The following DPP6 variants were observed in gnomAD, a reference collection of about 807,000 sequenced individuals.
DPP6 encodes the protein dipeptidyl peptidase like 6.
DPP6 carries 69 observed loss-of-function variants against 122.6 expected under a neutral mutation model. The ratio of observed to expected loss-of-function variants is 0.56; its 90% CI spans 0.46 to 0.69. DPP6 has a LOEUF of 0.69. DPP6 is among the 30% of genes least tolerant of loss of function. The pLI, the probability that DPP6 is intolerant of heterozygous loss-of-function variation, is 0.00. For synonymous variants in DPP6, 418 were observed against 433.1 expected, an observed-to-expected ratio of 0.97 and a Z score of 0.43; for missense variants, 928 against 1,116.9, an observed-to-expected ratio of 0.83 and a Z score of 2.41.
intron 19 of DPP6, among the ~76,000 whole-genome samples, chr7:154,874,019 C>T (rs1405792025): frequency 6.6e-6 from 1 of 151,880 alleles, no homozygotes; most frequent in African/African-American, 2.4e-5. Flanking sequence ...CACATGCACA[C>T]ACATACGTGT....
At chr7:154,824,249 T>TTTG (rs201570575) in intron 16 of DPP6, among the ~76,000 whole-genome samples, 5 of 54,282 alleles carry the variant, frequency 9.2e-5, no homozygotes, top group Non-Finnish European at 2.4e-4. Flanking sequence ...AAGGAATGTT[T>TTTG]TTGTTGTTGT....
chr7:153,784,137 CTTG>C, the DPP6 span, among the ~76,000 whole-genome samples: 1 of 152,164 alleles, frequency 6.6e-6, no homozygotes, highest in African/African-American at 2.4e-5. Flanking sequence ...TTTTCCATTT[CTTG>C]TTGTACATCT....
intron 1 of DPP6, among the ~76,000 whole-genome samples, chr7:153,965,375 T>A (rs971681597): frequency 6.6e-6 from 1 of 152,100 alleles, no homozygotes; most frequent in African/African-American, 2.4e-5. Flanking sequence ...CGGTTCCTCC[T>A]TAGGCAGCGC....
intron 5 of DPP6, among the ~76,000 whole-genome samples, chr7:154,612,767 A>G (rs1395615012): frequency 6.6e-6 from 1 of 152,198 alleles, no homozygotes; most frequent in African/African-American, 2.4e-5. Flanking sequence ...CACCAGCAAT[A>G]TGTGACTCAG....
intron 6 of DPP6, among the ~76,000 whole-genome samples, chr7:154,655,172 A>C (rs1416235840): frequency 6.6e-6 from 1 of 152,174 alleles, no homozygotes; most frequent in African/African-American, 2.4e-5. Flanking sequence ...TTGGTGATAA[A>C]ACGTTAGGAT....
intron 1 of DPP6, among the ~76,000 whole-genome samples, chr7:153,963,784 C>T (rs1052003342): frequency 6.6e-6 from 1 of 152,144 alleles, no homozygotes; most frequent in African/African-American, 2.4e-5. Flanking sequence ...ATCCCCACCC[C>T]GTGTCCCATC....
chr7:154,565,920 G>A (rs1263176504), intron 4 of DPP6, among the ~76,000 whole-genome samples: 2 of 152,214 alleles, frequency 1.3e-5, no homozygotes, highest in Non-Finnish European at 2.9e-5. Flanking sequence ...AGCAATGTGG[G>A]CTCTGGGGGT....
chr7:153,898,563 T>G (rs1799508174), intron 1 of DPP6, among the ~76,000 whole-genome samples: 1 of 152,196 alleles, frequency 6.6e-6, no homozygotes, highest in Non-Finnish European at 1.5e-5. Flanking sequence ...AAATATCACA[T>G]GTACCTCATA....
At chr7:153,771,331 A>G in the DPP6 span, among the ~76,000 whole-genome samples, 1 of 152,272 alleles carries the variant, frequency 6.6e-6, no homozygotes, top group East Asian at 1.9e-4. Context: ...CAATGAAGTG[A>G]AATGAAATTA....
At chr7:153,888,080 G>A (rs1471420628) in intron 1 of DPP6, among the ~76,000 whole-genome samples, 4 of 152,148 alleles carry the variant, frequency 2.6e-5, no homozygotes, top group Non-Finnish European at 5.9e-5. Context: ...GGCTCTTCTG[G>A]GGAAACGCGG....
intron 1 of DPP6, among the ~76,000 whole-genome samples, chr7:154,314,250 G>A (rs984698063): frequency 3.3e-5 from 5 of 152,100 alleles, no homozygotes; most frequent in Admixed American, 1.3e-4. Flanking sequence ...TTCCTGTCAC[G>A]CTGTTGCTGT....
At position 154,481,344 on chromosome 7, in the gene DPP6, G is replaced by GTGT. The variant is rs1554564216; in HGVS notation, c.457+6307_457+6308insTGT. On this transcript the variant is annotated intron_variant, in intron 3 of 25. Coordinates refer to ENST00000377770, the MANE Select transcript of DPP6 (RefSeq NM_130797.4). This position sits in a 1 kb window ranked among gnomAD's most constrained non-coding sequence, Gnocchi z 4.2. Reference sequence around the variant, plus strand: ...CTATACACTTGGAGAGAGAGAGAGAGGGGTGTGTGTGTGTGTGTGTGTGTG... The same window carrying GTGT: ...CTATACACTTGGAGAGAGAGAGAGAGTGTGGGTGTGTGTGTGTGTGTGTGTGTG... Among the ~76,000 whole-genome samples, 43 of 30,872 alleles carry GTGT rather than the reference G, an allele frequency of 1.4e-3. No homozygotes were observed. Among genetic ancestry groups the GTGT allele is most frequent in the African/African-American group, 2.5e-3 (39 of 15,568 alleles). The allele number at this position is 30,872 out of a possible 152,430, so 20.3% of individuals were successfully genotyped here. A position where few individuals can be genotyped will look rare whatever the true frequency, so the allele number is the denominator to read the frequency against.
At chr7:154,794,495 G>A (rs1797895070) in intron 11 of DPP6, among the ~76,000 whole-genome samples, 2 of 152,182 alleles carry the variant, frequency 1.3e-5, no homozygotes, top group Admixed American at 6.5e-5. Flanking sequence ...CCCTTTATCC[G>A]CGCTCACCGC....
intron 1 of DPP6, among the ~76,000 whole-genome samples, chr7:154,119,985 C>T (rs1223543542): frequency 6.6e-6 from 1 of 151,670 alleles, no homozygotes; most frequent in Non-Finnish European, 1.5e-5. Flanking sequence ...GGCCACCATG[C>T]GATGCTGTAC....
rs1211868588 is a variant in DPP6 at position 154,769,702 on chromosome 7, C to G, written c.1038+131C>G. 3.2e-6 allele frequency: 4 copies of G among 1,246,668 alleles called. No homozygotes were observed. The African/African-American group carries it at 6.1e-5, about 19-fold the overall frequency. The allele number at this position is 1,246,668 out of a possible 1,614,324, so 77.2% of individuals were successfully genotyped here. On this transcript the variant is annotated intron_variant, in intron 9 of 25. Transcript: ENST00000377770. ...AGCAGTTAACACAAGAAAGACTAATCATGTCTCATTACATTGCATTACATT... is the reference window on the plus strand; with the variant it reads ...AGCAGTTAACACAAGAAAGACTAATGATGTCTCATTACATTGCATTACATT...
chr7:154,519,207 A>T (rs1004340576), intron 3 of DPP6, among the ~76,000 whole-genome samples: 3 of 152,180 alleles, frequency 2.0e-5, no homozygotes, highest in African/African-American at 7.2e-5. Flanking sequence ...TCAGAGCCAG[A>T]GTCATAAGAC....
intron 1 of DPP6, among the ~76,000 whole-genome samples, chr7:154,285,096 C>T (rs1804765922): frequency 6.6e-6 from 1 of 152,174 alleles, no homozygotes; most frequent in Admixed American, 6.5e-5. Flanking sequence ...GCAATGGTTG[C>T]ACAATATTGT....
At chr7:154,770,265 A>G (rs946880164) in intron 9 of DPP6, among the ~76,000 whole-genome samples, 7 of 152,214 alleles carry the variant, frequency 4.6e-5, no homozygotes, top group African/African-American at 1.4e-4. Context: ...CACGTCTTAC[A>G]TGGCGGCAGA....
chr7:154,345,475 A>G (rs1217344673), intron 1 of DPP6, among the ~76,000 whole-genome samples: 1 of 152,158 alleles, frequency 6.6e-6, no homozygotes, highest in Non-Finnish European at 1.5e-5. Context: ...TTTGCAGTCC[A>G]TTTTCCCATG....
Sources: allele counts gnomAD v4.1 joint callset (sites outside exome capture counted in the v4.1 genomes callset), GRCh38; gene constraint gnomAD v4.1.1; non-coding constraint Gnocchi (gnomAD v3.1); transcripts MANE v1.5; gene names NCBI Gene and HGNC (gene_info 2026-07-23, HGNC 2026-07-21).